Variants in SASH1 observed in about 807,000 individuals in gnomAD.
SASH1 encodes SAM and SH3 domain containing 1, also known as SAM and SH3 domain-containing protein 1.
Under a neutral mutation model 125.2 loss-of-function variants are expected in SASH1, and 44 were observed. The observed-to-expected ratio is 0.35, with a 90% CI of 0.28 to 0.45. SASH1 has a LOEUF of 0.45. Among genes scored for constraint, SASH1 ranks in the 20% least tolerant of loss-of-function variants. The pLI, the probability that SASH1 is intolerant of heterozygous loss-of-function variation, is 1.00. For synonymous variants in SASH1, 639 were observed against 649.1 expected (o/e 0.98, Z 0.24); for missense variants, 1,426 against 1,614.5 (o/e 0.88, Z 2.00).
At chr6:148,505,001 G>A (rs779761942) in intron 8 of SASH1, among the ~76,000 whole-genome samples, 1 of 152,176 alleles carries the variant, frequency 6.6e-6, no homozygotes, top group Non-Finnish European at 1.5e-5. Flanking sequence ...CCTCCCCAAA[G>A]TATCTGGATA....
At chr6:148,398,331 CAT>C (rs1784037636) in intron 2 of SASH1, among the ~76,000 whole-genome samples, 1 of 152,350 alleles carries the variant, frequency 6.6e-6, no homozygotes, top group African/African-American at 2.4e-5. Context: ...TTCACGCAGA[CAT>C]GCGCACATAG....
At chr6:148,320,344 TG>T (rs1780606008) in intron 1 of SASH1, among the ~76,000 whole-genome samples, 1 of 152,222 alleles carries the variant, frequency 6.6e-6, no homozygotes, top group African/African-American at 2.4e-5. Flanking sequence ...TATTGGTGTA[TG>T]GGCCACCCCC....
intron 9 of SASH1, among the ~76,000 whole-genome samples, chr6:148,514,970 AC>A (rs1780358967): frequency 6.6e-6 from 1 of 152,162 alleles, no homozygotes; most frequent in Non-Finnish European, 1.5e-5. Context: ...GGCTTTAAGG[AC>A]CTAGGATTCT....
chr6:148,412,770 A>T (rs1475796829), intron 2 of SASH1, among the ~76,000 whole-genome samples: 1 of 152,100 alleles, frequency 6.6e-6, no homozygotes, highest in Non-Finnish European at 1.5e-5. Context: ...ACCACTGGGG[A>T]TCACATTTCA....
At chr6:148,502,108 T>C (rs1457651639) in intron 8 of SASH1, among the ~76,000 whole-genome samples, 3 of 152,216 alleles carry the variant, frequency 2.0e-5, no homozygotes, top group Non-Finnish European at 4.4e-5. Context: ...TATCTTCTTC[T>C]CTCTGCCGCC....
At chr6:148,230,328 A>G in the SASH1 span, among the ~76,000 whole-genome samples, 19 of 151,114 alleles carry the variant, frequency 1.3e-4, no homozygotes, top group Admixed American at 7.9e-4. Flanking sequence ...AATATAAGAG[A>G]TTTTTGTTTC....
At chr6:148,531,376 A>G (rs1018694127) in intron 12 of SASH1, 150 bp from the exon 13 acceptor site, 12 of 574,582 alleles carry the variant, frequency 2.1e-5, no homozygotes, top group Non-Finnish European at 3.2e-5. Context: ...GCGAGGATGT[A>G]AGTTTAAGAG....
chr6:148,362,115 G>C (rs1408525231), intron 1 of SASH1, among the ~76,000 whole-genome samples: 1 of 151,460 alleles, frequency 6.6e-6, no homozygotes, highest in Non-Finnish European at 1.5e-5. Context: ...TTTTAGTAGA[G>C]ACGGGGTTTC....
chr6:148,488,380 T>C (rs558794136), intron 8 of SASH1, among the ~76,000 whole-genome samples: 1 of 152,382 alleles, frequency 6.6e-6, no homozygotes, highest in African/African-American at 2.4e-5. Flanking sequence ...ATTTTGTTTA[T>C]CCATTCATCT....
intron 1 of SASH1, among the ~76,000 whole-genome samples, chr6:148,326,320 A>C (rs1780797188): frequency 1.4e-5 from 1 of 69,764 alleles, no homozygotes; most frequent in Admixed American, 2.0e-4. Context: ...GAGCCACCGC[A>C]TGCATATATA....
chr6:148,313,319 A>G (rs912932966), intron 1 of SASH1, among the ~76,000 whole-genome samples: 2 of 152,156 alleles, frequency 1.3e-5, no homozygotes, highest in Non-Finnish European at 2.9e-5. Context: ...TCTTGGCTGC[A>G]CTTTTCCTTC....
intron 1 of SASH1, among the ~76,000 whole-genome samples, chr6:148,287,079 G>A (rs977673928): frequency 1.3e-5 from 2 of 152,068 alleles, no homozygotes; most frequent in Admixed American, 6.6e-5. Context: ...TGGAGGTGCC[G>A]TTCTTGCCCC....
intron 7 of SASH1, among the ~76,000 whole-genome samples, chr6:148,475,486 A>G (rs1391328022): frequency 1.3e-5 from 2 of 152,212 alleles, no homozygotes; most frequent in African/African-American, 4.8e-5. Context: ...AGGAATGCCA[A>G]GAAGCTAAAG....
Position 148,315,357 on chromosome 6 carries a change from C to T in SASH1, n.74+42980C>T, listed in dbSNP as rs6907092. On this transcript the variant is annotated intron_variant and non_coding_transcript_variant, in intron 1 of 3. Coordinates refer to the SASH1 transcript ENST00000367469. ...TGTCTTATCAACACTATGTCAGAGA[C>T]TCTGTTATTGACCCCATTTAATAAC... Among the ~76,000 whole-genome samples, 780 of 152,236 alleles carry T rather than the reference C, an allele frequency of 5.1e-3. 9 individuals are homozygous for T. The highest frequency in any genetic ancestry group is 0.018 in the African/African-American group (729 of 41,548).
intron 1 of SASH1, among the ~76,000 whole-genome samples, chr6:148,277,320 G>A (rs904099108): frequency 2.0e-5 from 3 of 152,204 alleles, no homozygotes; most frequent in Admixed American, 6.5e-5. Flanking sequence ...AAAATACCAC[G>A]TTAACAATAC....
At chr6:148,338,274 A>G (rs1781220738), upstream of SASH1, among the ~76,000 whole-genome samples, 1 of 151,926 alleles carries the variant, frequency 6.6e-6, no homozygotes, top group Non-Finnish European at 1.5e-5. Flanking sequence ...TAAAAATACA[A>G]AAATTAGCCT....
At chr6:148,455,071 A>T (rs1428399872) in intron 4 of SASH1, among the ~76,000 whole-genome samples, 1 of 152,210 alleles carries the variant, frequency 6.6e-6, no homozygotes, top group African/African-American at 2.4e-5. Context: ...GTTGGATACA[A>T]GGAGGGAATG....
intron 1 of SASH1, chr6:148,379,844 A>G (rs755674613): frequency 2.2e-6 from 1 of 448,954 alleles, no homozygotes; most frequent in Non-Finnish European, 4.5e-6. Flanking sequence ...AGTGGGGAGC[A>G]TATGTTAAAG....
chr6:148,283,821 G>A (rs1779410731), intron 1 of SASH1, among the ~76,000 whole-genome samples: 1 of 152,050 alleles, frequency 6.6e-6, no homozygotes, highest in Non-Finnish European at 1.5e-5. Flanking sequence ...ACCTGGCTCT[G>A]ATACTAAGCC....
Sources: gnomAD v4.1 joint callset for allele counts (sites outside exome capture counted in the v4.1 genomes callset) on GRCh38, gnomAD v4.1.1 for gene constraint, MANE v1.5 for transcripts, NCBI Gene and HGNC (gene_info 2026-07-23, HGNC 2026-07-21) for gene names.